The following CES4A variants were observed in gnomAD, a reference collection of about 807,000 sequenced individuals.
The protein encoded by CES4A is carboxylesterase 6.
In CES4A, 48 loss-of-function variants were observed where a neutral mutation model predicts 65.4. The ratio of observed to expected loss-of-function variants is 0.73; its 90% CI spans 0.58 to 0.93. The LOEUF is 0.93. Ranked by LOEUF, CES4A falls within the 40% of genes least tolerant of loss-of-function variation. CES4A has a pLI of 0.00. For synonymous variants in CES4A, 247 were observed against 281.8 expected (o/e 0.88, Z 1.24); for missense variants, 685 against 728.5 (o/e 0.94, Z 0.69).
chr16:67,004,083 G>A lies in CES4A; in HGVS notation c.940-1G>A. The A allele has an allele frequency of 6.2e-7, 1 of 1,613,990 alleles. No homozygotes were observed. The highest frequency in any genetic ancestry group is 8.5e-7 in the Non-Finnish European group (1 of 1,179,980). The stretch of plus-strand genomic sequence containing the variant: ...GGCTGGAAATGCCCTTTGCCTTGTA[G>A]ATTATCTGGTCCATGAGCCCTGTGG... On this transcript the variant is annotated splice_acceptor_variant, in intron 8 of 13. Transcript: ENST00000648724. LOFTEE classifies it high-confidence loss of function.
chr16:67,005,470 G>A (rs970317165), intron 11 of CES4A, 77 bp downstream of exon 11: 41 of 1,398,318 alleles, frequency 2.9e-5, no homozygotes, highest in East Asian at 2.3e-5. Flanking sequence ...TGGGCTTATC[G>A]ACTGCTCCCC....
intron 13 of CES4A, chr16:67,007,142 G>C (rs1462938726): frequency 9.5e-6 from 3 of 316,846 alleles, no homozygotes; most frequent in African/African-American, 2.1e-5. Context: ...TCCTCCAGCA[G>C]CTCACCACAT....
At position 67,001,208 on chromosome 16, in the gene CES4A, AGG is replaced by A; in HGVS notation, c.537-97_537-96del. ...GTGTGGTCGCAGGACTGGGTCTTAGAGGGGCAAGGCTGGGCTGGGTGGGGGAA... is the reference window on the plus strand; with the variant it reads ...GTGTGGTCGCAGGACTGGGTCTTAGAGGCAAGGCTGGGCTGGGTGGGGGAA... On this transcript the variant is annotated intron_variant, in intron 4 of 13. Coordinates refer to ENST00000648724, the Ensembl canonical transcript of CES4A. This position sits in a 1 kb window ranked among gnomAD's most constrained non-coding sequence, Gnocchi z 4.1. 1 of 1,399,264 alleles carries A rather than the reference AGG, an allele frequency of 7.1e-7. No individual in the cohort carries two copies. The highest frequency in any genetic ancestry group is 9.5e-7 in the Non-Finnish European group (1 of 1,057,868). The allele number at this position is 1,399,264 out of a possible 1,614,324, so 86.7% of individuals were successfully genotyped here.
chr16:66,991,770 T>G (rs1395836878), intron 1 of CES4A, among the ~76,000 whole-genome samples: 1 of 152,150 alleles, frequency 6.6e-6, no homozygotes, highest in African/African-American at 2.4e-5. Flanking sequence ...CACATTTGTA[T>G]AGTTTTGTAA....
intron 11 of CES4A, chr16:67,006,094 G>C: frequency 3.0e-6 from 1 of 338,632 alleles, no homozygotes. Flanking sequence ...GCCAAGAAAG[G>C]AAGGTTCAGA....
In CES4A at chr16:66,996,130, C is replaced by T. The variant is rs149822140; in HGVS notation, c.260+301C>T. The T allele has an allele frequency of 2.6e-4, 130 of 495,268 alleles. No individual in the cohort carries two copies. In the East Asian group the frequency reaches 4.6e-3, roughly 18 times the overall value. 30.7% of individuals were successfully genotyped at this position (495,268 alleles called of 1,614,324 possible). ...TCGGCTCACTGCAACCTCCGCCTCCCGGGTTCAAGCGAGTCTCCTGCCTCA... is the reference window on the plus strand; with the variant it reads ...TCGGCTCACTGCAACCTCCGCCTCCTGGGTTCAAGCGAGTCTCCTGCCTCA... On this transcript the variant is annotated intron_variant, in intron 2 of 13. Coordinates refer to ENST00000648724, the Ensembl canonical transcript of CES4A.
exon 2 of CES4A, chr16:66,995,722 T>A: frequency 6.2e-7 from 1 of 1,614,184 alleles, no homozygotes; most frequent in Non-Finnish European, 8.5e-7. Flanking sequence ...TCCAAGTCTT[T>A]TTAGGAGTCC....
In CES4A at chr16:67,001,170, T is replaced by G; in HGVS notation, c.537-138T>G. ...TACCATCTGGATGGGGCGAGCTAAC[T>G]CCAAGGAAGGGGGTGTGGTCGCAGG... On this transcript the variant is annotated intron_variant, in intron 4 of 13. Coordinates refer to ENST00000648724, the Ensembl canonical transcript of CES4A. The surrounding 1 kb of genome is among the most constrained non-coding windows in gnomAD (Gnocchi z 4.1). The G allele has an allele frequency of 7.4e-7, 1 of 1,353,700 alleles. No homozygotes were observed. The highest frequency in any genetic ancestry group is 9.8e-7 in the Non-Finnish European group (1 of 1,016,770). 83.9% of individuals were successfully genotyped at this position (1,353,700 alleles called of 1,614,324 possible).
chr16:66,992,088 A>G (rs1229726545), intron 1 of CES4A, among the ~76,000 whole-genome samples: 2 of 152,252 alleles, frequency 1.3e-5, no homozygotes, highest in Non-Finnish European at 2.9e-5. Flanking sequence ...GGGCAAATCC[A>G]GGTAATGGGT....
At chr16:66,995,536 C>T (rs750839443) in intron 1 of CES4A, 92 bp from the exon 2 acceptor site, 12 of 1,089,188 alleles carry the variant, frequency 1.1e-5, no homozygotes, top group Admixed American at 7.3e-5. Context: ...TTCCAGGTGC[C>T]TTGGTCCCAT....
At chr16:67,008,549 C>T (rs745916781) in intron 13 of CES4A, 8 of 159,328 alleles carry the variant, frequency 5.0e-5, no homozygotes, top group Non-Finnish European at 9.7e-5. Flanking sequence ...TACAGGCACC[C>T]GCCACCTCGC....
Position 67,000,511 on chromosome 16 carries a change from G to A in CES4A, c.261-127G>A, listed in dbSNP as rs1349294053. ...AGGCCTCCTGTACACGCACACGCACGCACATGCGCACGCACACGCACGCGC... is the reference window on the plus strand; with the variant it reads ...AGGCCTCCTGTACACGCACACGCACACACATGCGCACGCACACGCACGCGC... On this transcript the variant is annotated intron_variant, in intron 2 of 13. Transcript: ENST00000648724. The surrounding 1 kb of genome is among the most constrained non-coding windows in gnomAD (Gnocchi z 4.2). The A allele has an allele frequency of 3.5e-6, 5 of 1,444,322 alleles. No homozygotes were observed. The highest frequency in any genetic ancestry group is 2.9e-5 in the South Asian group (2 of 68,924). The allele number at this position is 1,444,322 out of a possible 1,614,324, so 89.5% of individuals were successfully genotyped here.
chr16:67,006,688 G>T, intron 12 of CES4A, 57 bp from the exon 13 acceptor site: 1 of 1,565,820 alleles, frequency 6.4e-7, no homozygotes, highest in Non-Finnish European at 8.8e-7. Context: ...CAGGAGTAGG[G>T]TGGGAGGTCA....
At position 67,000,488 on chromosome 16, in the gene CES4A, G is replaced by A. The variant is rs936874006; in HGVS notation, c.261-150G>A. 3 of 1,425,306 alleles carry A rather than the reference G, an allele frequency of 2.1e-6. No homozygotes were observed. The highest frequency in any genetic ancestry group is 1.8e-6 in the Non-Finnish European group (2 of 1,092,374). 88.3% of individuals were successfully genotyped at this position (1,425,306 alleles called of 1,614,324 possible). On this transcript the variant is annotated intron_variant, in intron 2 of 13. Coordinates refer to ENST00000648724, the Ensembl canonical transcript of CES4A. The surrounding 1 kb of genome is among the most constrained non-coding windows in gnomAD (Gnocchi z 4.2). ...GTCCTGGGCCCCGGGGCTGGCGGAGGCCTCCTGTACACGCACACGCACGCA... is the reference window on the plus strand; with the variant it reads ...GTCCTGGGCCCCGGGGCTGGCGGAGACCTCCTGTACACGCACACGCACGCA...
chr16:67,001,054 G>T lies in CES4A; in HGVS notation c.536+64G>T. The T allele has an allele frequency of 9.0e-7, 1 of 1,110,924 alleles. No homozygotes were observed. Among genetic ancestry groups the T allele is most frequent in the Middle Eastern group, 2.9e-4 (1 of 3,434 alleles). 68.8% of individuals were successfully genotyped at this position (1,110,924 alleles called of 1,614,324 possible). On this transcript the variant is annotated intron_variant, in intron 4 of 13. Transcript: ENST00000648724. This position sits in a 1 kb window ranked among gnomAD's most constrained non-coding sequence, Gnocchi z 4.1. ...CAGAGCGGCGGGGACTGGGTGGGAA[G>T]GGAGGGGCGGGGCCTGGGGCGGGGA...
chr16:66,996,225 C>G (rs1398757266), intron 2 of CES4A: 3 of 357,846 alleles, frequency 8.4e-6, no homozygotes, highest in Non-Finnish European at 1.6e-5. Context: ...TTAGTAGAGA[C>G]AGGGTTTCAT....
intron 1 of CES4A, among the ~76,000 whole-genome samples, chr16:66,993,924 AC>A (rs1198995900): frequency 6.6e-6 from 1 of 151,314 alleles, no homozygotes; most frequent in African/African-American, 2.4e-5. Flanking sequence ...ACATGGTGAA[AC>A]CGTGTCTCTA....
At position 67,005,307 on chromosome 16, in the gene CES4A, G is replaced by A. The variant is rs750363234; in HGVS notation, c.1229G>A (p.Trp410Ter). Residue 410 changes from tryptophan (W) to a stop codon, truncating the protein, a stop_gained, in exon 11 of 14, where the codon TGG (tryptophan) becomes TAG (stop). Transcript: ENST00000648724. LOFTEE classifies it high-confidence loss of function. ...CTGGACAATGTCAATGAGCATGACTGGAAGATGCTACGAAACCGTATGATG... is the reference window on the plus strand; with the variant it reads ...CTGGACAATGTCAATGAGCATGACTAGAAGATGCTACGAAACCGTATGATG... 1 of 1,613,978 alleles carries A rather than the reference G, an allele frequency of 6.2e-7. No individual in the cohort carries two copies. The highest frequency in any genetic ancestry group is 8.5e-7 in the Non-Finnish European group (1 of 1,179,872).
intron 11 of CES4A, 98 bp downstream of exon 11, chr16:67,005,491 G>A: frequency 8.7e-7 from 1 of 1,154,350 alleles, no homozygotes; most frequent in South Asian, 1.5e-5. Flanking sequence ...TACCCTCTCT[G>A]TACTTCTGGG....
Sources: gnomAD v4.1 joint callset for allele counts (sites outside exome capture counted in the v4.1 genomes callset) on GRCh38, gnomAD v4.1.1 for gene constraint, Gnocchi (gnomAD v3.1) non-coding constraint, MANE v1.5 for transcripts, NCBI Gene and HGNC (gene_info 2026-07-23, HGNC 2026-07-21) for gene names.